ZNF415: variants seen among roughly 807,000 people sequenced by gnomAD.
ZNF415 encodes zinc finger protein 415.
A neutral mutation model predicts 7.3 loss-of-function variants in ZNF415; 5 were observed. The ratio of observed to expected loss-of-function variants is 0.69; its 90% confidence interval spans 0.36 to 1.44. The LOEUF (loss-of-function observed/expected upper bound fraction) is 1.44, where lower values mean the gene tolerates loss of function less well. Among genes scored for constraint, ZNF415 ranks in the 40% most tolerant of loss-of-function variants. The probability of loss-of-function intolerance (pLI) is 0.04; values close to 1 mark genes in which losing one functional copy is unlikely to be tolerated. For missense variants in ZNF415, 628 were observed against 664.8 expected (o/e 0.94, Z 0.61); for synonymous variants, 207 against 226.3 (o/e 0.91, Z 0.77).
At position 53,122,313 on chromosome 19, in the gene ZNF415, T is replaced by C; in HGVS notation, c.15+349A>G. The C allele has an allele frequency of 3.1e-6, 4 of 1,299,362 alleles. No individual in the cohort carries two copies. The South Asian group carries it at 3.9e-5, about 13-fold the overall frequency. 80.5% of individuals were successfully genotyped at this position (1,299,362 alleles called of 1,614,324 possible). ...ATGACTTCCATGGGCAGCTTCTCTATTCCTGGGCTACGGAGAGCCGACAGT... is the reference window on the plus strand; with the variant it reads ...ATGACTTCCATGGGCAGCTTCTCTACTCCTGGGCTACGGAGAGCCGACAGT... On this transcript the variant is annotated intron_variant, in intron 2 of 3. Transcript: ENST00000243643.
In ZNF415 at chr19:53,116,400, G is replaced by T. The variant is rs1281865075; in HGVS notation, c.49C>A (p.Gln17Lys). The T allele has an allele frequency of 1.5e-5, 25 of 1,613,950 alleles. No individual in the cohort carries two copies. The highest frequency in any genetic ancestry group is 1.9e-5 in the Non-Finnish European group (23 of 1,179,954). ...TFRDVAIEFS[Q>K]DEWKCLNSTQ... ...GAGTTCAGGCATTTCCACTCATCTTGAGAGAATTCGATGGCCACGTCCCTG... is the reference window on the plus strand; with the variant it reads ...GAGTTCAGGCATTTCCACTCATCTTTAGAGAATTCGATGGCCACGTCCCTG... The change falls in exon 3 of 4, where the codon CAA (glutamine) becomes AAA (lysine). Residue 17 changes from glutamine (Q) to lysine (K), a missense_variant. Coordinates refer to ENST00000243643, the MANE Select transcript of ZNF415 (RefSeq NM_018355.4).
At chr19:53,114,440 T>G (rs2086697686) in intron 3 of ZNF415, among the ~76,000 whole-genome samples, 1 of 152,238 alleles carries the variant, frequency 6.6e-6, no homozygotes, top group African/African-American at 2.4e-5. Context: ...AGTGCTGGAA[T>G]TACAGGCGTG....
Position 53,108,542 on chromosome 19 carries a change from A to T in ZNF415, c.1503T>A (p.Cys501Ter), listed in dbSNP as rs1260766134. The change falls in exon 4 of 4, where the codon TGT becomes TGA. Residue 501 changes from cysteine (C) to a stop codon, truncating the protein, a stop_gained. Transcript: ENST00000243643. LOFTEE classifies it low-confidence loss of function (END_TRUNC). ...TGEKPYKCNE[C>*]GKSFSVRPNL... ...TTGGGCGCACACTAAAGGATTTGCC[A>T]CACTCATTACATTTGTAAGGTTTTT... is the stretch of plus-strand genomic sequence containing the variant. The T allele has an allele frequency of 5.0e-6, 8 of 1,614,122 alleles. No homozygotes were observed. The East Asian group carries it at 1.8e-4, about 36-fold the overall frequency.
intron 1 of ZNF415, among the ~76,000 whole-genome samples, chr19:53,128,199 A>G (rs984622891): frequency 2.0e-5 from 3 of 151,196 alleles, no homozygotes; most frequent in African/African-American, 7.3e-5. Flanking sequence ...GGGCCTCTGG[A>G]CAAAAGCAGG....
rs2085684045 is a variant in ZNF415 at position 53,108,357 on chromosome 19, T to C, written c.*20A>G. On this transcript the variant is annotated 3_prime_UTR_variant, in exon 4 of 4. Coordinates refer to ENST00000243643, the MANE Select transcript of ZNF415 (RefSeq NM_018355.4). ...TTGATGACTCACAGGATTTAAACTT[T>C]GACTGAAGACCTTGCCATATTAATT... 1 of 1,571,862 alleles carries C rather than the reference T, an allele frequency of 6.4e-7. No individual in the cohort carries two copies.
chr19:53,121,203 G>A (rs1195607070), intron 2 of ZNF415, among the ~76,000 whole-genome samples: 1 of 151,190 alleles, frequency 6.6e-6, no homozygotes, highest in Non-Finnish European at 1.5e-5. Flanking sequence ...AGACCAGCCT[G>A]GCCAACATAG....
At chr19:53,110,423 G>A (rs2086065045) in intron 3 of ZNF415, among the ~76,000 whole-genome samples, 1 of 151,938 alleles carries the variant, frequency 6.6e-6, no homozygotes, top group African/African-American at 2.4e-5. Flanking sequence ...CTGAGAAAAC[G>A]AGACAAAAAC....
At chr19:53,132,539 G>C (rs543794960) in intron 1 of ZNF415, among the ~76,000 whole-genome samples, 1 of 152,206 alleles carries the variant, frequency 6.6e-6, no homozygotes, top group African/African-American at 2.4e-5. Flanking sequence ...CTGCGCTCCA[G>C]GGGCCGACGA....
intron 1 of ZNF415, among the ~76,000 whole-genome samples, chr19:53,126,411 G>C (rs138256303): frequency 0.024 from 3,514 of 144,112 alleles, 165 homozygotes; most frequent in African/African-American, 0.085. Context: ...TGGAAAAAAG[G>C]TCCTGGGGTC....
chr19:53,123,525 C>A (rs370365423), intron 1 of ZNF415: 77 of 398,594 alleles, frequency 1.9e-4, no homozygotes, highest in African/African-American at 1.3e-3. Context: ...CCAGCGAGTT[C>A]CAGCAGAGGC....
At chr19:53,123,729 G>A (rs1216957930) in intron 1 of ZNF415, 1 of 397,904 alleles carries the variant, frequency 2.5e-6, no homozygotes, top group Non-Finnish European at 4.4e-6. Flanking sequence ...TTTTGGAAAT[G>A]ATGTATTTCC....
intron 2 of ZNF415, among the ~76,000 whole-genome samples, chr19:53,121,384 CAAA>C (rs773591699): frequency 0.15 from 12,091 of 80,044 alleles, 500 homozygotes; most frequent in East Asian, 0.2. Context: ...GACTCCGTCT[CAAA>C]AAAAAAAAAA....
chr19:53,127,875 C>CAAAAAA (rs35037197), intron 1 of ZNF415, among the ~76,000 whole-genome samples: 13 of 126,298 alleles, frequency 1.0e-4, no homozygotes, highest in South Asian at 2.6e-4. Flanking sequence ...GACACCGTCT[C>CAAAAAA]AAAAAAAAAA....
chr19:53,114,696 G>A (rs1366113933), intron 3 of ZNF415, among the ~76,000 whole-genome samples: 1 of 151,974 alleles, frequency 6.6e-6, no homozygotes, highest in Non-Finnish European at 1.5e-5. Context: ...TGTGTAGGAC[G>A]GGGGATCCCA....
At chr19:53,117,458 GAA>G (rs1292307514) in intron 2 of ZNF415, among the ~76,000 whole-genome samples, 1 of 149,882 alleles carries the variant, frequency 6.7e-6, no homozygotes, top group African/African-American at 2.5e-5. Context: ...AAAAAAGAAA[GAA>G]AGAGAATTCT....
At chr19:53,111,110 C>T (rs8112055) in intron 3 of ZNF415, among the ~76,000 whole-genome samples, 8,770 of 151,984 alleles carry the variant, frequency 0.058, 816 homozygotes, top group African/African-American at 0.2. Context: ...TTGCAGATGG[C>T]GCGTTTGGGA....
intron 1 of ZNF415, among the ~76,000 whole-genome samples, chr19:53,131,903 TCTC>T (rs2090122570): frequency 6.6e-6 from 1 of 151,572 alleles, no homozygotes. Context: ...TCCCTCTGCT[TCTC>T]CTTGTCATCG....
intron 1 of ZNF415, among the ~76,000 whole-genome samples, chr19:53,128,425 A>C (rs2089561984): frequency 7.0e-6 from 1 of 142,788 alleles, no homozygotes; most frequent in East Asian, 2.1e-4. Context: ...TTGTCTCTCC[A>C]CTCACAGTCC....
intron 3 of ZNF415, chr19:53,115,687 C>G: frequency 6.5e-7 from 1 of 1,535,398 alleles, no homozygotes. Context: ...TTCCTCTCCC[C>G]TCATCTGAGG....
Sources: allele counts gnomAD v4.1 joint callset (sites outside exome capture counted in the v4.1 genomes callset), GRCh38; gene constraint gnomAD v4.1.1; transcripts MANE v1.5; gene names NCBI Gene and HGNC (gene_info 2026-07-23, HGNC 2026-07-21).